PTPRD: variants seen among roughly 807,000 people sequenced by gnomAD.
The protein encoded by PTPRD is receptor-type tyrosine-protein phosphatase delta.
A neutral mutation model predicts 214.5 loss-of-function variants in PTPRD; 34 were observed. That is an observed-to-expected ratio of 0.16 (90% CI 0.12 to 0.21). PTPRD has a LOEUF of 0.21. PTPRD is among the 10% of genes least tolerant of loss of function. PTPRD has a pLI of 1.00. For synonymous variants in PTPRD, 1,128 were observed against 845.7 expected, an observed-to-expected ratio of 1.33 and a Z score of -5.79; for missense variants, 2,545 against 2,398.7, an observed-to-expected ratio of 1.06 and a Z score of -1.27.
At chr9:9,060,967 C>T (rs1447601573) in intron 10 of PTPRD, among the ~76,000 whole-genome samples, 1 of 152,148 alleles carries the variant, frequency 6.6e-6, no homozygotes, top group African/African-American at 2.4e-5. Flanking sequence ...TGGAATCTCA[C>T]AATCAGAATG....
chr9:9,551,260 C>G (rs2080158199), intron 8 of PTPRD, among the ~76,000 whole-genome samples: 1 of 151,836 alleles, frequency 6.6e-6, no homozygotes, highest in South Asian at 2.1e-4. Flanking sequence ...AAATGCTTAA[C>G]TGAAAAATCT....
At chr9:9,765,980 T>G (rs574324062) in intron 6 of PTPRD, among the ~76,000 whole-genome samples, 52 of 152,300 alleles carry the variant, frequency 3.4e-4, no homozygotes, top group African/African-American at 1.0e-3. Context: ...CTTTATATGT[T>G]AGTTCAAGCA....
At chr9:8,975,343 T>C (rs571642790) in intron 11 of PTPRD, among the ~76,000 whole-genome samples, 25 of 152,188 alleles carry the variant, frequency 1.6e-4, no homozygotes, top group African/African-American at 4.8e-4. Context: ...ACTCTGCTTT[T>C]CAGTTGAAGA....
intron 18 of PTPRD, 57 bp from the exon 19 acceptor site, chr9:8,523,581 C>T (rs965932365): frequency 3.8e-6 from 6 of 1,598,154 alleles, no homozygotes; most frequent in South Asian, 2.2e-5. Context: ...AGGAGAAAAA[C>T]AAGGGAAACA....
rs1306773853 is a variant in PTPRD, at chr9:10,098,294, G to A, written c.-544-64504C>T. On this transcript the variant is annotated intron_variant, in intron 3 of 45. Transcript: ENST00000381196. Reference sequence around the variant, plus strand: ...CACTCACAGGTGGGAATTGAACAATGAGAACACATGGACACAGGAAGGGGA... The same window carrying A: ...CACTCACAGGTGGGAATTGAACAATAAGAACACATGGACACAGGAAGGGGA... Among the ~76,000 whole-genome samples the A allele has an allele frequency of 7.7e-4, 111 of 144,338 alleles. 1 individual carries two copies. The highest frequency in any genetic ancestry group is 1.2e-4 in the Non-Finnish European group (8 of 66,266). The allele number at this position is 144,338 out of a possible 152,430, so 94.7% of individuals were successfully genotyped here.
rs2154434900 is a variant in PTPRD, at chr9:8,733,848, C to A, written c.-5G>T. 1 of 1,550,842 alleles carries A rather than the reference C, an allele frequency of 6.4e-7. No homozygotes were observed. The highest frequency in any genetic ancestry group is 8.7e-7 in the Non-Finnish European group (1 of 1,147,030). ...CAGCCTGGCTACGTGCACCATCCTGCAGCTTGGCAGCAGCGTGCGCGAGCA... is the reference window on the plus strand; with the variant it reads ...CAGCCTGGCTACGTGCACCATCCTGAAGCTTGGCAGCAGCGTGCGCGAGCA... On this transcript the variant is annotated 5_prime_UTR_variant, in exon 12 of 46. Coordinates refer to ENST00000381196, the MANE Select transcript of PTPRD (RefSeq NM_002839.4).
intron 9 of PTPRD, among the ~76,000 whole-genome samples, chr9:9,318,944 G>C (rs1404069787): frequency 1.3e-5 from 2 of 152,102 alleles, no homozygotes; most frequent in Non-Finnish European, 2.9e-5. Context: ...TTTTCATCAA[G>C]ATGTGCAATA....
chr9:9,963,847 A>T (rs1010439756), intron 4 of PTPRD, among the ~76,000 whole-genome samples: 4 of 152,220 alleles, frequency 2.6e-5, no homozygotes, highest in African/African-American at 9.6e-5. Flanking sequence ...ATTCATCAAC[A>T]TTGGAAACTA....
rs78750490 is a variant in PTPRD, at chr9:8,744,163, G to A, written c.-103-10217C>T. On this transcript the variant is annotated intron_variant, in intron 11 of 45. Coordinates refer to ENST00000381196, the MANE Select transcript of PTPRD (RefSeq NM_002839.4). ...ATTTTAAAAAATAGATGTTGGTGTAGATGTGGTGAAAAGGGAACACTTCTA... is the reference window on the plus strand; with the variant it reads ...ATTTTAAAAAATAGATGTTGGTGTAAATGTGGTGAAAAGGGAACACTTCTA... 9.2e-5 allele frequency among the ~76,000 whole-genome samples: 14 copies of A among 152,266 alleles called. No individual in the cohort carries two copies. In the East Asian group the frequency reaches 2.7e-3, roughly 29 times the overall value.
intron 3 of PTPRD, among the ~76,000 whole-genome samples, chr9:10,277,742 C>T (rs778433620): frequency 6.6e-6 from 1 of 151,972 alleles, no homozygotes; most frequent in Admixed American, 6.6e-5. Context: ...GTAGATCTTA[C>T]CTCAAGTGTC....
chr9:9,916,495 G>C (rs185640616), intron 5 of PTPRD, among the ~76,000 whole-genome samples: 3 of 151,706 alleles, frequency 2.0e-5, no homozygotes, highest in African/African-American at 7.2e-5. Flanking sequence ...GATATAAATT[G>C]GTTGAATAGA....
At position 8,722,121 on chromosome 9, in the gene PTPRD, CTCTG is replaced by C. The variant is rs1171306972; in HGVS notation, c.64+11655_64+11658del. 6.9e-4 allele frequency among the ~76,000 whole-genome samples: 72 copies of C among 104,526 alleles called. 2 individuals are homozygous for C. Among genetic ancestry groups the C allele is most frequent in the African/African-American group, 2.5e-3 (70 of 27,866 alleles). The allele number at this position is 104,526 out of a possible 152,430, so 68.6% of individuals were successfully genotyped here. A position where few individuals can be genotyped will look rare whatever the true frequency, so the allele number is the denominator to read the frequency against. On this transcript the variant is annotated intron_variant, in intron 12 of 45. Transcript: ENST00000381196. The stretch of plus-strand genomic sequence containing the variant: ...TGATTTCTCCATACATTAAGTATTA[CTCTG>C]TGTGTGTGTGTGTGTGTGTGTGTGT...
At chr9:9,442,113 G>A (rs1179399056) in intron 8 of PTPRD, 1 of 152,342 alleles carries the variant, frequency 6.6e-6, no homozygotes, top group African/African-American at 2.4e-5. Flanking sequence ...GGCTGAGGCT[G>A]GAGGATCGCT....
intron 8 of PTPRD, among the ~76,000 whole-genome samples, chr9:9,422,500 G>C (rs2079179339): frequency 6.6e-6 from 1 of 152,096 alleles, no homozygotes; most frequent in African/African-American, 2.4e-5. Flanking sequence ...GAGCTTGCTA[G>C]GATGTTAGGA....
In PTPRD at chr9:8,451,085, A is replaced by C. The variant is rs2133578416; in HGVS notation, c.3876-1248T>G. Reference sequence around the variant, plus strand: ...ATGGTTAGCCAGAGGGCTCCTGTTAAATAGCCTTTCTTCCCATTTCTGCTC... The same window carrying C: ...ATGGTTAGCCAGAGGGCTCCTGTTACATAGCCTTTCTTCCCATTTCTGCTC... On this transcript the variant is annotated intron_variant, in intron 33 of 45. Transcript: ENST00000381196. 1.3e-5 allele frequency among the ~76,000 whole-genome samples: 2 copies of C among 152,298 alleles called. 1 individual carries two copies. Among genetic ancestry groups the C allele is most frequent in the South Asian group, 4.1e-4 (2 of 4,822 alleles).
intron 2 of PTPRD, among the ~76,000 whole-genome samples, chr9:10,589,511 G>C (rs985815944): frequency 1.3e-5 from 2 of 152,034 alleles, no homozygotes; most frequent in African/African-American, 4.8e-5. Context: ...TAGAGCATAA[G>C]TAGCCACCCT....
At chr9:9,916,876 A>C (rs955186665) in intron 5 of PTPRD, among the ~76,000 whole-genome samples, 1 of 151,972 alleles carries the variant, frequency 6.6e-6, no homozygotes, top group African/African-American at 2.4e-5. Context: ...CAAGTATCCC[A>C]TTGATCACAA....
chr9:9,609,025 G>C (rs920277760), intron 7 of PTPRD, among the ~76,000 whole-genome samples: 2 of 152,038 alleles, frequency 1.3e-5, no homozygotes, highest in Admixed American at 6.6e-5. Flanking sequence ...AATTCAAAAT[G>C]TATTATGTAT....
At chr9:8,566,875 T>G (rs548457149) in intron 14 of PTPRD, among the ~76,000 whole-genome samples, 1 of 152,288 alleles carries the variant, frequency 6.6e-6, no homozygotes, top group Admixed American at 6.5e-5. Flanking sequence ...GCCTGGACAC[T>G]GCCTTGGGTA....
Sources: allele counts gnomAD v4.1 joint callset (sites outside exome capture counted in the v4.1 genomes callset), GRCh38; gene constraint gnomAD v4.1.1; transcripts MANE v1.5; gene names NCBI Gene and HGNC (gene_info 2026-07-23, HGNC 2026-07-21).